The following RABL6 variants were observed in gnomAD, a reference collection of about 807,000 sequenced individuals.
The protein encoded by RABL6 is RAB, member RAS oncogene family like 6.
Under a neutral mutation model 72.9 loss-of-function variants are expected in RABL6, and 28 were observed. That is an observed-to-expected ratio of 0.38 (90% CI 0.28 to 0.53). RABL6 has a LOEUF of 0.53. Ranked by LOEUF, RABL6 falls within the 20% of genes least tolerant of loss-of-function variation. The probability of loss-of-function intolerance (pLI) is 0.80; values close to 1 mark genes in which losing one functional copy is unlikely to be tolerated. For synonymous variants in RABL6, 477 were observed against 421.2 expected, an observed-to-expected ratio of 1.13 and a Z score of -1.62; for missense variants, 1,029 against 1,008.4, an observed-to-expected ratio of 1.02 and a Z score of -0.28.
At chr9:136,818,375 A>AAAAAC (rs1848164798) in intron 1 of RABL6, among the ~76,000 whole-genome samples, 1 of 21,162 alleles carries the variant, frequency 4.7e-5, no homozygotes, top group East Asian at 1.2e-3. Context: ...AAAAAAAAAA[A>AAAAAC]AAAAAAAAAA....
chr9:136,832,639 T>C (rs1848501958), intron 7 of RABL6: 1 of 496,440 alleles, frequency 2.0e-6, no homozygotes, highest in Admixed American at 3.2e-5. Flanking sequence ...TTTTGGTTGT[T>C]TTTGTTTGTT....
chr9:136,839,161 G>T (rs376815044), intron 11 of RABL6, 40 bp downstream of exon 11: 2 of 1,605,044 alleles, frequency 1.2e-6, no homozygotes, highest in African/African-American at 1.3e-5. Context: ...CTGGAGACCC[G>T]GGTGGGGCAG....
intron 12 of RABL6, 38 bp downstream of exon 12, chr9:136,839,524 G>T: frequency 1.3e-6 from 2 of 1,584,904 alleles, no homozygotes; most frequent in African/African-American, 1.3e-5. Context: ...TCAGCCAGGT[G>T]GCCAGGGTCC....
chr9:136,834,292 A>G, intron 7 of RABL6: 1 of 1,053,244 alleles, frequency 9.5e-7, no homozygotes, highest in Non-Finnish European at 1.1e-6. Flanking sequence ...TTTTTCTTGG[A>G]GAAATAAGCC....
In RABL6 at chr9:136,840,342, GAAGAAGAGCAAACAC is replaced by G. The variant is rs750026150; in HGVS notation, c.2022_2036del (p.His675_Lys679del). 54 of 1,564,620 alleles carry G rather than the reference GAAGAAGAGCAAACAC, an allele frequency of 3.5e-5. No individual in the cohort carries two copies. In the Admixed American group the frequency reaches 6.1e-4, roughly 18 times the overall value. ...CTCAGGAAGAAGAAAAAGCTGCCAA[GAAGAAGAGCAAACAC>G]AAGAAGAGCAAGGACAAGGAGGAGG... is the stretch of plus-strand genomic sequence containing the variant. On this transcript the variant is annotated inframe_deletion, in exon 15 of 15. Coordinates refer to ENST00000311502, the MANE Select transcript of RABL6 (RefSeq NM_024718.5).
Position 136,839,046 on chromosome 9 carries a change from A to G in RABL6, c.1418A>G (p.Glu473Gly). ...PSQDITLSSE[E>G]EAEVAAPTKG... is the part of the protein sequence containing the mutation. ...CAAGACATCACTCTTTCGAGTGAGG[A>G]GGAAGCAGAAGTGGCAGCTCCCACA... Residue 473 changes from glutamate (E) to glycine (G), a missense_variant, in exon 11 of 15, where the codon GAG becomes GGG. Coordinates refer to ENST00000311502, the MANE Select transcript of RABL6 (RefSeq NM_024718.5). 1 of 1,612,524 alleles carries G rather than the reference A, an allele frequency of 6.2e-7. No individual in the cohort carries two copies. The highest frequency in any genetic ancestry group is 1.7e-5 in the Admixed American group (1 of 60,002).
chr9:136,840,314 C>T lies in RABL6; in HGVS notation c.1990-8C>T, dbSNP rs1848666129. Reference sequence around the variant, plus strand: ...GACTCCATGGCGCCCCATCCTTGTGCTCCTCAGGAAGAAGAAAAAGCTGCC... The same window carrying T: ...GACTCCATGGCGCCCCATCCTTGTGTTCCTCAGGAAGAAGAAAAAGCTGCC... On this transcript the variant is annotated splice_region_variant and splice_polypyrimidine_tract_variant and intron_variant, in intron 14 of 14. Coordinates refer to ENST00000311502, the MANE Select transcript of RABL6 (RefSeq NM_024718.5). 6.3e-7 allele frequency: 1 copy of T among 1,595,242 alleles called. No homozygotes were observed. The highest frequency in any genetic ancestry group is 1.3e-5 in the African/African-American group (1 of 74,286).
Position 136,837,868 on chromosome 9 carries a change from T to G in RABL6, c.1133T>G (p.Val378Gly). Residue 378 changes from valine (V) to glycine (G), a missense_variant, in exon 10 of 15, where the codon GTC (valine) becomes GGC (glycine). Val to Gly is a moderately radical substitution (Grantham distance 109). Transcript: ENST00000311502. ...TEAAPPPPEP[V>G]PAAEGPATVQ... The stretch of plus-strand genomic sequence containing the variant: ...CCGGCATCACTGTTCACAGAGCCAG[T>G]CCCGGCCGCAGAGGGCCCAGCAACG... 3 of 1,549,288 alleles carry G rather than the reference T, an allele frequency of 1.9e-6. No homozygotes were observed. Among genetic ancestry groups the G allele is most frequent in the Non-Finnish European group, 2.6e-6 (3 of 1,147,042 alleles).
At chr9:136,823,448 C>T (rs1223162321) in intron 1 of RABL6, 77 bp from the exon 2 acceptor site, 1 of 1,567,260 alleles carries the variant, frequency 6.4e-7, no homozygotes, top group South Asian at 1.1e-5. Flanking sequence ...ACCGGCTCTC[C>T]TTGTAGTTGC....
chr9:136,838,944 C>T lies in RABL6; in HGVS notation c.1316C>T (p.Ala439Val). 3 of 1,607,408 alleles carry T rather than the reference C, an allele frequency of 1.9e-6. No individual in the cohort carries two copies. In the Admixed American group the frequency reaches 5.0e-5, roughly 27 times the overall value. The change falls in exon 11 of 15, where the codon GCA becomes GTA. Residue 439 changes from alanine (A) to valine (V), a missense_variant. Physicochemically the swap from Ala to Val is moderately conservative, Grantham distance 64. Transcript: ENST00000311502. ...GEALGGNPMV[A>V]GFQDDVDLED... Reference sequence around the variant, plus strand: ...GCCCTGGGCGGCAACCCGATGGTGGCAGGGTTCCAGGACGATGTGGACCTC... The same window carrying T: ...GCCCTGGGCGGCAACCCGATGGTGGTAGGGTTCCAGGACGATGTGGACCTC...
At chr9:136,833,831 G>A (rs1354639331) in intron 7 of RABL6, 2 of 1,550,544 alleles carry the variant, frequency 1.3e-6, no homozygotes, top group Admixed American at 2.0e-5. Context: ...TTGGAAGGAA[G>A]GCGGCAGTCA....
chr9:136,840,090 C>G, intron 13 of RABL6, 64 bp from the exon 14 acceptor site: 1 of 1,606,266 alleles, frequency 6.2e-7, no homozygotes, highest in Non-Finnish European at 8.5e-7. Flanking sequence ...TAGAGAAGTC[C>G]TGTCACCCAG....
At chr9:136,821,359 C>A in intron 1 of RABL6, 1 of 985,454 alleles carries the variant, frequency 1.0e-6, no homozygotes, top group Non-Finnish European at 1.2e-6. Flanking sequence ...GACGGGACCA[C>A]CGCATGTGGA....
chr9:136,837,263 C>A, intron 8 of RABL6, 83 bp from the exon 9 acceptor site: 1 of 1,423,792 alleles, frequency 7.0e-7, no homozygotes, highest in Non-Finnish European at 9.7e-7. Context: ...GCCCCAGCAG[C>A]AGCAGCAGAG....
intron 5 of RABL6, among the ~76,000 whole-genome samples, chr9:136,830,284 G>T (rs563576731): frequency 6.6e-6 from 1 of 152,368 alleles, no homozygotes; most frequent in Admixed American, 6.5e-5. Context: ...CGCACACTCA[G>T]CACGCATCAG....
rs1426725519 is a variant in RABL6 at position 136,839,783 on chromosome 9, C to T, written c.1848C>T (p.Leu616=). The change falls in exon 13 of 15, where the codon CTC becomes CTT. Residue 616 remains leucine (L), a synonymous_variant. Transcript: ENST00000311502. Reference sequence around the variant, plus strand: ...CGCCCCCACCCCCCAAGCTCCCTCTCCCCGCCTTCAGACTGAAGAATGACT... The same window carrying T: ...CGCCCCCACCCCCCAAGCTCCCTCTTCCCGCCTTCAGACTGAAGAATGACT... The part of the protein sequence containing the change: ...AEPPPPPKLP[L]PAFRLKNDSD... The T allele has an allele frequency of 2.8e-5, 45 of 1,612,744 alleles. No homozygotes were observed. The highest frequency in any genetic ancestry group is 3.5e-5 in the Non-Finnish European group (41 of 1,179,824).
intron 1 of RABL6, chr9:136,808,619 G>A: frequency 5.7e-6 from 1 of 175,160 alleles, no homozygotes; most frequent in Non-Finnish European, 1.2e-5. Context: ...GGCGGGGTTG[G>A]CCCGGCTGCC....
At chr9:136,839,667 C>A in intron 12 of RABL6, 27 bp from the exon 13 acceptor site, 1 of 1,564,286 alleles carries the variant, frequency 6.4e-7, no homozygotes, top group Non-Finnish European at 8.7e-7. Flanking sequence ...GGGATGATGG[C>A]CTGACCAGTT....
intron 1 of RABL6, among the ~76,000 whole-genome samples, chr9:136,810,702 C>T (rs367925123): frequency 4.8e-4 from 73 of 152,190 alleles, no homozygotes; most frequent in African/African-American, 1.5e-3. Context: ...CCACCACGCC[C>T]GGCTAATTTT....
Sources: allele counts gnomAD v4.1 joint callset (sites outside exome capture counted in the v4.1 genomes callset), GRCh38; gene constraint gnomAD v4.1.1; transcripts MANE v1.5; gene names NCBI Gene and HGNC (gene_info 2026-07-23, HGNC 2026-07-21).